Variants in EML4 observed in about 807,000 individuals in gnomAD.
EML4 encodes echinoderm microtubule-associated protein-like 4.
EML4 carries 72 observed loss-of-function variants against 129.0 expected under a neutral mutation model. The ratio of observed to expected loss-of-function variants is 0.56; its 90% CI spans 0.46 to 0.68. The LOEUF (loss-of-function observed/expected upper bound fraction) is 0.68. Ranked by LOEUF, EML4 falls within the 30% of genes least tolerant of loss-of-function variation. EML4 has a pLI of 0.00. For missense variants in EML4, 1,363 were observed against 1,190.6 expected, an observed-to-expected ratio of 1.14 and a Z score of -2.13; for synonymous variants, 532 against 405.0, an observed-to-expected ratio of 1.31 and a Z score of -3.77.
At chr2:42,296,246 A>G (rs1449811150) in intron 13 of EML4, among the ~76,000 whole-genome samples, 1 of 152,180 alleles carries the variant, frequency 6.6e-6, no homozygotes, top group African/African-American at 2.4e-5. Flanking sequence ...TTCTAAAACC[A>G]GTGGGCCAGG....
intron 1 of EML4, among the ~76,000 whole-genome samples, chr2:42,181,103 T>G (rs934053590): frequency 2.0e-5 from 3 of 152,346 alleles, no homozygotes; most frequent in African/African-American, 7.2e-5. Flanking sequence ...GATCACTTGG[T>G]GTCTGCTAGA....
At position 42,318,646 on chromosome 2, in the gene EML4, C is replaced by T. The variant is rs538954096; in HGVS notation, c.2154+1122C>T. ...CAACATGATTAAATGAGATATTCCA[C>T]CAAAAGAAGTTTTCAGATCACTGAA... On this transcript the variant is annotated intron_variant, in intron 19 of 22. Coordinates refer to ENST00000318522, the MANE Select transcript of EML4 (RefSeq NM_019063.5). Among the ~76,000 whole-genome samples the T allele has an allele frequency of 1.7e-3, 258 of 152,208 alleles. 1 individual carries two copies. Among genetic ancestry groups the T allele is most frequent in the African/African-American group, 6.0e-3 (249 of 41,532 alleles).
At chr2:42,290,004 T>A (rs1282362023) in intron 11 of EML4, 1 of 151,736 alleles carries the variant, frequency 6.6e-6, no homozygotes, top group Non-Finnish European at 1.5e-5. Context: ...GGAGAATTGC[T>A]TGAACCCTGG....
At chr2:42,211,118 A>G (rs990702215) in intron 1 of EML4, among the ~76,000 whole-genome samples, 6 of 152,190 alleles carry the variant, frequency 3.9e-5, no homozygotes, top group African/African-American at 9.7e-5. Flanking sequence ...TGAAATACCT[A>G]TAATGTGCTT....
chr2:42,252,257 T>G (rs1418898199), intron 2 of EML4, among the ~76,000 whole-genome samples: 5 of 152,160 alleles, frequency 3.3e-5, no homozygotes, highest in Admixed American at 2.6e-4. Flanking sequence ...TCTACTTGAG[T>G]CTGTCATTAA....
At position 42,256,531 on chromosome 2, in the gene EML4, T is replaced by A; in HGVS notation, c.239T>A (p.Met80Lys). 6.2e-7 allele frequency: 1 copy of A among 1,612,426 alleles called. No homozygotes were observed. Reference sequence around the variant, plus strand: ...CCAAGCCCTCGAGCAGTTATTCCCATGTCCTGTATAACCAATGGAAGTGGT... The same window carrying A: ...CCAAGCCCTCGAGCAGTTATTCCCAAGTCCTGTATAACCAATGGAAGTGGT... Reference protein sequence around the residue: ...GQPSPRAVIPMSCITNGSGAN... With the variant: ...GQPSPRAVIPKSCITNGSGAN... The change falls in exon 3 of 23, where the codon ATG becomes AAG. Residue 80 changes from methionine to lysine, a missense_variant. Met to Lys is a moderately conservative substitution (Grantham distance 95). Coordinates refer to ENST00000318522, the MANE Select transcript of EML4 (RefSeq NM_019063.5).
chr2:42,269,891 A>G (rs188038504), intron 6 of EML4, among the ~76,000 whole-genome samples: 1 of 152,302 alleles, frequency 6.6e-6, no homozygotes, highest in East Asian at 1.9e-4. Flanking sequence ...AAGCAAAGTG[A>G]TATAGCAGAA....
At chr2:42,290,638 G>A (rs1306754746) in intron 11 of EML4, among the ~76,000 whole-genome samples, 3 of 151,966 alleles carry the variant, frequency 2.0e-5, no homozygotes, top group Non-Finnish European at 4.4e-5. Context: ...AGGCTGAGGT[G>A]GAAGCATCAA....
chr2:42,211,905 C>T (rs887623091), intron 1 of EML4, among the ~76,000 whole-genome samples: 1 of 151,976 alleles, frequency 6.6e-6, no homozygotes, highest in African/African-American at 2.4e-5. Context: ...AGTGCAGTGG[C>T]GCAATTTTGG....
intron 11 of EML4, among the ~76,000 whole-genome samples, chr2:42,292,467 A>C (rs976572130): frequency 6.6e-5 from 10 of 152,246 alleles, no homozygotes; most frequent in Non-Finnish European, 1.5e-4. Flanking sequence ...ACCTATATGC[A>C]CCAACACAAA....
intron 6 of EML4, chr2:42,264,977 G>T: frequency 6.5e-7 from 1 of 1,542,724 alleles, no homozygotes; most frequent in Non-Finnish European, 8.7e-7. Context: ...GCAGTTGGTT[G>T]CCTTCTAAGT....
intron 13 of EML4, 148 bp downstream of exon 13, chr2:42,295,664 T>C: frequency 1.6e-6 from 1 of 631,778 alleles, no homozygotes; most frequent in African/African-American, 1.8e-5. Context: ...TTCTTCATAA[T>C]CTTTTTTTAA....
chr2:42,175,784 T>G (rs189864965), intron 1 of EML4, among the ~76,000 whole-genome samples: 227 of 152,198 alleles, frequency 1.5e-3, no homozygotes, highest in African/African-American at 5.3e-3. Context: ...GAGGTGTGAG[T>G]CACCATGCCC....
chr2:42,281,286 G>C (rs1231529755), intron 7 of EML4, among the ~76,000 whole-genome samples: 1 of 151,744 alleles, frequency 6.6e-6, no homozygotes, highest in Non-Finnish European at 1.5e-5. Context: ...CCAGCTACTC[G>C]GGAGGCTGAG....
At chr2:42,233,185 A>C (rs953432673) in intron 1 of EML4, among the ~76,000 whole-genome samples, 2 of 152,144 alleles carry the variant, frequency 1.3e-5, no homozygotes, top group Non-Finnish European at 2.9e-5. Flanking sequence ...TTTTTGGTGC[A>C]TGTGTGTTTA....
chr2:42,207,159 G>A (rs1271280196), intron 1 of EML4, among the ~76,000 whole-genome samples: 1 of 152,128 alleles, frequency 6.6e-6, no homozygotes, highest in Non-Finnish European at 1.5e-5. Context: ...TAAGTTGGAT[G>A]TATAACACCT....
intron 21 of EML4, among the ~76,000 whole-genome samples, chr2:42,326,969 C>G (rs1468718154): frequency 1.3e-5 from 2 of 152,094 alleles, no homozygotes; most frequent in African/African-American, 4.8e-5. Flanking sequence ...TTTCATTACC[C>G]CACAAAGAAA....
chr2:42,293,389 C>T (rs1444866653), intron 11 of EML4, among the ~76,000 whole-genome samples: 1 of 152,178 alleles, frequency 6.6e-6, no homozygotes, highest in Non-Finnish European at 1.5e-5. Context: ...GCATAAGCCA[C>T]AACACCTGGC....
intron 1 of EML4, among the ~76,000 whole-genome samples, chr2:42,219,497 A>T (rs1673420139): frequency 6.6e-6 from 1 of 152,222 alleles, no homozygotes; most frequent in African/African-American, 2.4e-5. Context: ...TTTAGTTTCT[A>T]CATTTAATTT....
Sources: allele counts gnomAD v4.1 joint callset (sites outside exome capture counted in the v4.1 genomes callset), GRCh38; gene constraint gnomAD v4.1.1; transcripts MANE v1.5; gene names NCBI Gene and HGNC (gene_info 2026-07-23, HGNC 2026-07-21).